Variants in UIMC1 observed in about 807,000 individuals in gnomAD.
UIMC1 encodes BRCA1-A complex subunit RAP80.
In UIMC1, 42 loss-of-function variants were observed where a neutral mutation model predicts 84.9. That is an observed-to-expected ratio of 0.49 (90% CI 0.39 to 0.64). The LOEUF (loss-of-function observed/expected upper bound fraction) is 0.64, where lower values mean the gene tolerates loss of function less well. Ranked by LOEUF, UIMC1 falls within the 30% of genes least tolerant of loss-of-function variation. The pLI is 0.00. For missense variants in UIMC1, 825 were observed against 847.6 expected (o/e 0.97, Z 0.33); for synonymous variants, 281 against 293.0 (o/e 0.96, Z 0.42).
chr5:177,005,593 G>GTTCC (rs1234617291), intron 1 of UIMC1, among the ~76,000 whole-genome samples: 2 of 151,656 alleles, frequency 1.3e-5, no homozygotes, highest in Non-Finnish European at 2.9e-5. Context: ...ATATCACGAT[G>GTTCC]TTCCACATGA....
At position 176,963,445 on chromosome 5, in the gene UIMC1, C is replaced by T. The variant is rs1361718680; in HGVS notation, c.1200+5110G>A. ...CTGAAGCAGGAGAATCACTTGAACC[C>T]GGGAGGTGGAGGTTGCAGTGAGCTG... On this transcript the variant is annotated intron_variant, in intron 6 of 14. Coordinates refer to ENST00000511320, the MANE Select transcript of UIMC1 (RefSeq NM_001199298.2). Among the ~76,000 whole-genome samples, 8 of 151,362 alleles carry T rather than the reference C, an allele frequency of 5.3e-5. No individual in the cohort carries two copies. In the East Asian group the frequency reaches 5.8e-4, roughly 11 times the overall value.
intron 9 of UIMC1, among the ~76,000 whole-genome samples, chr5:176,945,648 A>C (rs999202174): frequency 6.6e-6 from 1 of 152,196 alleles, no homozygotes; most frequent in East Asian, 1.9e-4. Flanking sequence ...GGGAGCCTAT[A>C]AACAGACGCA....
At chr5:177,005,069 T>TG (rs1329559385) in intron 1 of UIMC1, among the ~76,000 whole-genome samples, 1 of 151,920 alleles carries the variant, frequency 6.6e-6, no homozygotes, top group Non-Finnish European at 1.5e-5. Context: ...TAATTTTTTT[T>TG]TTTTAATTTT....
intron 13 of UIMC1, 73 bp from the exon 14 acceptor site, chr5:176,906,120 G>A: frequency 6.8e-7 from 1 of 1,471,244 alleles, no homozygotes. Context: ...CTGATCTTTT[G>A]CTTCCGTGCT....
At chr5:176,987,511 G>T (rs1223544310) in intron 1 of UIMC1, among the ~76,000 whole-genome samples, 1 of 151,982 alleles carries the variant, frequency 6.6e-6, no homozygotes, top group Non-Finnish European at 1.5e-5. Context: ...AAACTAGCCA[G>T]GCATGGTGGT....
chr5:176,922,515 G>A (rs1016777281), intron 10 of UIMC1, among the ~76,000 whole-genome samples: 2 of 152,168 alleles, frequency 1.3e-5, no homozygotes, highest in Non-Finnish European at 2.9e-5. Context: ...CTGTCTCTCT[G>A]CTTTTAGTCT....
chr5:176,967,724 G>T (rs191748531), intron 6 of UIMC1, among the ~76,000 whole-genome samples: 1 of 152,070 alleles, frequency 6.6e-6, no homozygotes, highest in East Asian at 1.9e-4. Context: ...GCAACAAAGT[G>T]AAACTCAATC....
intron 10 of UIMC1, among the ~76,000 whole-genome samples, chr5:176,930,131 G>A (rs1762909014): frequency 6.6e-6 from 1 of 152,138 alleles, no homozygotes; most frequent in East Asian, 1.9e-4. Context: ...TTAGGAACTA[G>A]AATATTGCCA....
At chr5:177,018,500 AGTTCCC>A (rs1345653669) in intron 1 of UIMC1, among the ~76,000 whole-genome samples, 1 of 152,228 alleles carries the variant, frequency 6.6e-6, no homozygotes, top group Non-Finnish European at 1.5e-5. Flanking sequence ...AACAGTAGCC[AGTTCCC>A]GTCCCTTAGC....
At chr5:176,959,577 G>A (rs984885645) in intron 6 of UIMC1, among the ~76,000 whole-genome samples, 25 of 151,658 alleles carry the variant, frequency 1.6e-4, no homozygotes, top group South Asian at 4.2e-4. Context: ...TTAGCCGGGC[G>A]TAGTGGCAGG....
chr5:176,937,448 G>A (rs145074557), intron 10 of UIMC1, among the ~76,000 whole-genome samples: 2 of 152,222 alleles, frequency 1.3e-5, no homozygotes, highest in Admixed American at 6.5e-5. Flanking sequence ...AGCCGAGATC[G>A]TGCCACTGCA....
At chr5:177,001,775 TA>T (rs1018686028) in intron 1 of UIMC1, among the ~76,000 whole-genome samples, 622 of 124,250 alleles carry the variant, frequency 5.0e-3, no homozygotes, top group Admixed American at 5.7e-3. Context: ...CCGGCTCTAC[TA>T]AAAAAAAAAA....
intron 12 of UIMC1, 44 bp from the exon 13 acceptor site, chr5:176,907,221 G>A (rs1759507753): frequency 6.4e-7 from 1 of 1,569,674 alleles, no homozygotes; most frequent in Non-Finnish European, 8.7e-7. Context: ...TCATGTCAGA[G>A]TCTAAAATAC....
upstream of UIMC1, among the ~76,000 whole-genome samples, chr5:177,010,657 G>C (rs1353685525): frequency 6.6e-6 from 1 of 152,042 alleles, no homozygotes; most frequent in Non-Finnish European, 1.5e-5. Context: ...GAGTAGCTGG[G>C]ATTACAGGCG....
At chr5:176,919,827 C>G (rs939503072) in intron 10 of UIMC1, among the ~76,000 whole-genome samples, 1 of 152,116 alleles carries the variant, frequency 6.6e-6, no homozygotes, top group African/African-American at 2.4e-5. Flanking sequence ...ACTTCTGGAC[C>G]CTCAATTCTA....
Position 176,905,390 on chromosome 5 carries a change from G to A in UIMC1, c.2052C>T (p.Ser684=), listed in dbSNP as rs1759216776. 6.2e-7 allele frequency: 1 copy of A among 1,614,096 alleles called. No homozygotes were observed. The highest frequency in any genetic ancestry group is 1.1e-5 in the South Asian group (1 of 91,080). Residue 684 remains serine (S), a synonymous_variant, in exon 15 of 15, where the codon TCC becomes TCT. Coordinates refer to ENST00000511320, the MANE Select transcript of UIMC1 (RefSeq NM_001199298.2). ...CTAAGCAATCTGTGGCTTCTGAAAT[G>A]GAAACAAAAGACTTGACGGGAGATT... ...LNESPVKSFV[S]ISEATDCLVD... is the part of the protein sequence containing the mutation.
At chr5:176,955,420 T>C (rs1370552807) in intron 8 of UIMC1, among the ~76,000 whole-genome samples, 1 of 151,928 alleles carries the variant, frequency 6.6e-6, no homozygotes, top group Non-Finnish European at 1.5e-5. Context: ...CAAATGGCAA[T>C]ATAAAAACTA....
At chr5:176,919,243 C>T (rs1761408322) in intron 10 of UIMC1, 1 of 340,848 alleles carries the variant, frequency 2.9e-6, no homozygotes, top group Non-Finnish European at 5.7e-6. Context: ...TCCACTACTG[C>T]ACTCCAGCCT....
intron 4 of UIMC1, chr5:176,969,929 AT>A (rs1373357016): frequency 4.3e-6 from 2 of 470,580 alleles, no homozygotes; most frequent in Non-Finnish European, 7.7e-6. Context: ...GGCAAATGGC[AT>A]AAAAAGATGG....
Sources: allele counts gnomAD v4.1 joint callset (sites outside exome capture counted in the v4.1 genomes callset), GRCh38; gene constraint gnomAD v4.1.1; transcripts MANE v1.5; gene names NCBI Gene and HGNC (gene_info 2026-07-23, HGNC 2026-07-21).